CACNG2: variants seen among roughly 807,000 people sequenced by gnomAD.
CACNG2 encodes the protein voltage-dependent calcium channel gamma-2 subunit.
In CACNG2, 3 loss-of-function variants were observed where a neutral mutation model predicts 25.9. The ratio of observed to expected loss-of-function variants is 0.12; its 90% CI spans 0.05 to 0.30. CACNG2 has a LOEUF of 0.30. Ranked by LOEUF, CACNG2 falls within the 10% of genes least tolerant of loss-of-function variation. The pLI is 1.00. For synonymous variants in CACNG2, 167 were observed against 173.3 expected, an observed-to-expected ratio of 0.96 and a Z score of 0.29; for missense variants, 341 against 432.5, an observed-to-expected ratio of 0.79 and a Z score of 1.88.
intron 1 of CACNG2, among the ~76,000 whole-genome samples, chr22:36,661,368 G>A (rs1404028463): frequency 5.3e-5 from 8 of 152,214 alleles, no homozygotes; most frequent in Admixed American, 3.9e-4. Flanking sequence ...TGGGAGAAGT[G>A]TGGACTTGCC....
At chr22:36,588,016 C>A (rs1354210580) in intron 1 of CACNG2, among the ~76,000 whole-genome samples, 4 of 152,238 alleles carry the variant, frequency 2.6e-5, no homozygotes, top group Non-Finnish European at 5.9e-5. Context: ...TTTAGAAGAG[C>A]CTGCAAAACA....
intron 2 of CACNG2, among the ~76,000 whole-genome samples, chr22:36,571,712 A>G (rs979847511): frequency 1.7e-4 from 26 of 151,756 alleles, no homozygotes; most frequent in Admixed American, 7.9e-4. Context: ...CCTCGTCTCT[A>G]CCAAAAATAA....
chr22:36,623,363 T>C (rs78983030), intron 1 of CACNG2, among the ~76,000 whole-genome samples: 3,605 of 152,042 alleles, frequency 0.024, 63 homozygotes, highest in Middle Eastern at 0.051. Context: ...TGGAGAAGAT[T>C]TGGAAGTGTG....
At chr22:36,660,302 C>T (rs545392694) in intron 1 of CACNG2, among the ~76,000 whole-genome samples, 20 of 152,188 alleles carry the variant, frequency 1.3e-4, no homozygotes, top group African/African-American at 3.4e-4. Context: ...CTACCCTTGC[C>T]GGGGGGCAGT....
intron 1 of CACNG2, among the ~76,000 whole-genome samples, chr22:36,646,703 C>T (rs905548886): frequency 1.1e-4 from 17 of 151,788 alleles, no homozygotes; most frequent in Non-Finnish European, 2.1e-4. Context: ...TTTTCTTCAG[C>T]TTGGGATTCT....
chr22:36,630,116 G>T (rs6000358), intron 1 of CACNG2, among the ~76,000 whole-genome samples: 4 of 152,286 alleles, frequency 2.6e-5, no homozygotes, highest in African/African-American at 9.6e-5. Context: ...CCATGGGAAG[G>T]GGTCATGTGG....
chr22:36,676,095 C>A (rs763685948), intron 1 of CACNG2, among the ~76,000 whole-genome samples: 1 of 152,164 alleles, frequency 6.6e-6, no homozygotes, highest in Non-Finnish European at 1.5e-5. Context: ...CTCGCCCCAC[C>A]CCTCGTGGAG....
At chr22:36,645,950 C>T (rs1459946010) in intron 1 of CACNG2, among the ~76,000 whole-genome samples, 4 of 152,078 alleles carry the variant, frequency 2.6e-5, no homozygotes, top group Non-Finnish European at 5.9e-5. Context: ...ACATCCTTCG[C>T]GTTAATTTAT....
chr22:36,702,596 A>C lies in CACNG2; in HGVS notation c.-20T>G, dbSNP rs780175950. 8 of 1,597,746 alleles carry C rather than the reference A, an allele frequency of 5.0e-6. No individual in the cohort carries two copies. The highest frequency in any genetic ancestry group is 6.9e-6 in the Non-Finnish European group (8 of 1,165,242). ...CCCCATAATTCTTCATTATATAAAC[A>C]CCCAACCGACTTCTGGTTCTCGGGA... On this transcript the variant is annotated 5_prime_UTR_variant, in exon 1 of 4. Transcript: ENST00000300105.
At chr22:36,658,892 C>G (rs190263989) in intron 1 of CACNG2, among the ~76,000 whole-genome samples, 6 of 151,974 alleles carry the variant, frequency 3.9e-5, no homozygotes. Context: ...TAAGATGGAG[C>G]CTGGTATTGG....
At chr22:36,593,124 G>A (rs903487608) in intron 1 of CACNG2, among the ~76,000 whole-genome samples, 2 of 152,132 alleles carry the variant, frequency 1.3e-5, no homozygotes, top group Non-Finnish European at 2.9e-5. Flanking sequence ...TCTCTGCCCC[G>A]CCCAATGCAG....
intron 2 of CACNG2, among the ~76,000 whole-genome samples, chr22:36,571,379 C>T (rs1302503630): frequency 6.6e-6 from 1 of 152,006 alleles, no homozygotes; most frequent in Non-Finnish European, 1.5e-5. Context: ...ACCGCTTGAA[C>T]CCGGGAGGCA....
At chr22:36,684,664 A>ACAG (rs972500987) in intron 1 of CACNG2, among the ~76,000 whole-genome samples, 2 of 152,068 alleles carry the variant, frequency 1.3e-5, no homozygotes, top group African/African-American at 4.8e-5. Flanking sequence ...TTGATTAATA[A>ACAG]CAGTCCTGAT....
intron 1 of CACNG2, among the ~76,000 whole-genome samples, chr22:36,593,284 G>C (rs1935624648): frequency 6.6e-6 from 1 of 152,224 alleles, no homozygotes. Flanking sequence ...CTGATTTCCT[G>C]GTTGTGGAAT....
chr22:36,653,848 T>G (rs1032656061), intron 1 of CACNG2, among the ~76,000 whole-genome samples: 4 of 151,764 alleles, frequency 2.6e-5, no homozygotes, highest in African/African-American at 4.8e-5. Flanking sequence ...CTTGATGGTG[T>G]AAGACCTCCA....
intron 1 of CACNG2, among the ~76,000 whole-genome samples, chr22:36,688,888 T>A (rs1403454557): frequency 6.6e-6 from 1 of 152,212 alleles, no homozygotes; most frequent in East Asian, 1.9e-4. Flanking sequence ...CCAGGTGATC[T>A]GTGTACACAT....
At chr22:36,592,597 C>A (rs889275686) in intron 1 of CACNG2, among the ~76,000 whole-genome samples, 2 of 152,150 alleles carry the variant, frequency 1.3e-5, no homozygotes, top group Non-Finnish European at 2.9e-5. Context: ...ATTTGAAGTG[C>A]AAATGATTCA....
chr22:36,639,182 T>C (rs1347948098), intron 1 of CACNG2, among the ~76,000 whole-genome samples: 2 of 152,214 alleles, frequency 1.3e-5, no homozygotes, highest in Non-Finnish European at 2.9e-5. Context: ...ATGTCTCCTC[T>C]ATCAAGTGGA....
chr22:36,698,140 CCT>C (rs965967690), intron 1 of CACNG2, among the ~76,000 whole-genome samples: 11 of 151,918 alleles, frequency 7.2e-5, no homozygotes, highest in African/African-American at 2.4e-4. Flanking sequence ...CCCTTCTCTC[CCT>C]CTCTCCTTTC....
Sources: gnomAD v4.1 joint callset for allele counts (sites outside exome capture counted in the v4.1 genomes callset) on GRCh38, gnomAD v4.1.1 for gene constraint, MANE v1.5 for transcripts, NCBI Gene and HGNC (gene_info 2026-07-23, HGNC 2026-07-21) for gene names.